Variants in LEF1 observed in about 807,000 individuals in gnomAD.
LEF1 encodes the protein lymphoid enhancer-binding factor 1.
A neutral mutation model predicts 51.2 loss-of-function variants in LEF1; 14 were observed. The observed-to-expected ratio is 0.27, with a 90% confidence interval of 0.18 to 0.43. The LOEUF (loss-of-function observed/expected upper bound fraction) is 0.43, where lower values mean the gene tolerates loss of function less well. Ranked by LOEUF, LEF1 falls within the 20% of genes least tolerant of loss-of-function variation. The pLI, the probability that LEF1 is intolerant of heterozygous loss-of-function variation, is 1.00. For synonymous variants in LEF1, 185 were observed against 183.2 expected, an observed-to-expected ratio of 1.01 and a Z score of -0.08; for missense variants, 386 against 512.0, an observed-to-expected ratio of 0.75 and a Z score of 2.37.
intron 3 of LEF1, among the ~76,000 whole-genome samples, chr4:108,155,989 A>G (rs1017502905): frequency 1.3e-5 from 2 of 152,126 alleles, no homozygotes; most frequent in African/African-American, 4.8e-5. Flanking sequence ...AGAACTTTTT[A>G]ATAGCTGAAA....
At chr4:108,114,199 T>C (rs2110320966) in intron 3 of LEF1, among the ~76,000 whole-genome samples, 1 of 152,266 alleles carries the variant, frequency 6.6e-6, no homozygotes, top group African/African-American at 2.4e-5. Flanking sequence ...AGGAAAAGTG[T>C]CCTTCAGAGA....
chr4:108,124,409 C>T (rs1418078734), intron 3 of LEF1, among the ~76,000 whole-genome samples: 1 of 151,686 alleles, frequency 6.6e-6, no homozygotes, highest in Non-Finnish European at 1.5e-5. Context: ...TTGCTCTGTC[C>T]CCCAGGCTGG....
rs188146399 is a variant in LEF1, at chr4:108,076,559, G to T, written c.1008+1661C>A. 8.5e-5 allele frequency among the ~76,000 whole-genome samples: 13 copies of T among 152,128 alleles called. No homozygotes were observed. The East Asian group carries it at 2.5e-3, about 30-fold the overall frequency. On this transcript the variant is annotated intron_variant, in intron 8 of 11. Coordinates refer to ENST00000265165, the MANE Select transcript of LEF1 (RefSeq NM_016269.5). ...CACTCAGCTAATTTTTGTATTTTTG[G>T]TAGAGATGGGGTGTCACCATGTCAG...
intron 11 of LEF1, among the ~76,000 whole-genome samples, chr4:108,049,704 C>CA (rs1553946248): frequency 6.6e-6 from 1 of 152,216 alleles, no homozygotes; most frequent in Non-Finnish European, 1.5e-5. Flanking sequence ...ATCCGTGTTA[C>CA]AAGCACAAGT....
At chr4:108,103,257 A>G (rs1267842071) in intron 3 of LEF1, among the ~76,000 whole-genome samples, 1 of 152,236 alleles carries the variant, frequency 6.6e-6, no homozygotes, top group African/African-American at 2.4e-5. Context: ...ATGTTTATGT[A>G]ATATCATGTG....
chr4:108,109,083 G>A (rs1037412325), intron 3 of LEF1, among the ~76,000 whole-genome samples: 6 of 152,180 alleles, frequency 3.9e-5, no homozygotes, highest in African/African-American at 1.4e-4. Context: ...CAGACAAAGG[G>A]TAATTTGTTA....
At chr4:108,097,126 C>G (rs1264427939) in intron 3 of LEF1, among the ~76,000 whole-genome samples, 2 of 152,178 alleles carry the variant, frequency 1.3e-5, no homozygotes, top group African/African-American at 4.8e-5. Context: ...TATTAAAGAG[C>G]TATCTGCATT....
At chr4:108,166,086 C>T (rs932265364) in intron 1 of LEF1, among the ~76,000 whole-genome samples, 1 of 152,148 alleles carries the variant, frequency 6.6e-6, no homozygotes, top group African/African-American at 2.4e-5. Flanking sequence ...GGATGTTATT[C>T]GGTTCTCTGG....
intron 3 of LEF1, among the ~76,000 whole-genome samples, chr4:108,092,832 G>A (rs566903593): frequency 4.0e-4 from 58 of 146,770 alleles, no homozygotes; most frequent in African/African-American, 1.4e-3. Flanking sequence ...ACACAGATAA[G>A]GTCTCTAATT....
chr4:108,079,385 T>C (rs1340314214), intron 7 of LEF1, 107 bp downstream of exon 7: 2 of 1,291,732 alleles, frequency 1.5e-6, no homozygotes, highest in African/African-American at 3.0e-5. Flanking sequence ...GTGCATTGAG[T>C]TTCACAGCAA....
chr4:108,166,607 C>T (rs1745411537), intron 1 of LEF1: 3 of 1,087,808 alleles, frequency 2.8e-6, no homozygotes, highest in Non-Finnish European at 3.4e-6. Context: ...CCCTGCTCCG[C>T]GCTTTCTCTA....
intron 11 of LEF1, among the ~76,000 whole-genome samples, chr4:108,059,291 G>A (rs1302222246): frequency 2.0e-5 from 3 of 152,204 alleles, no homozygotes; most frequent in Non-Finnish European, 2.9e-5. Flanking sequence ...AAAATGGGAA[G>A]CATTCCATGA....
intron 3 of LEF1, among the ~76,000 whole-genome samples, chr4:108,153,631 A>T (rs1229681650): frequency 1.3e-5 from 2 of 152,212 alleles, no homozygotes; most frequent in Admixed American, 1.3e-4. Context: ...CTCCTACCTA[A>T]AAAGGTGCAT....
At chr4:108,108,660 A>C (rs1193064799) in intron 3 of LEF1, among the ~76,000 whole-genome samples, 1 of 152,220 alleles carries the variant, frequency 6.6e-6, no homozygotes, top group Non-Finnish European at 1.5e-5. Context: ...AGACTTTTCC[A>C]TGTGGTAAAC....
At chr4:108,164,898 A>C (rs1317120025) in intron 2 of LEF1, among the ~76,000 whole-genome samples, 199 bp downstream of exon 2, 1 of 152,236 alleles carries the variant, frequency 6.6e-6, no homozygotes, top group Non-Finnish European at 1.5e-5. Context: ...TCCCTAACTC[A>C]TTCAAAAACA....
intron 3 of LEF1, among the ~76,000 whole-genome samples, chr4:108,099,031 G>A (rs938690564): frequency 2.6e-5 from 4 of 152,178 alleles, no homozygotes; most frequent in African/African-American, 9.7e-5. Context: ...AGTCCAAGTT[G>A]AGACATGCCA....
At chr4:108,115,844 C>CAT (rs1741802589) in intron 3 of LEF1, among the ~76,000 whole-genome samples, 1 of 134,180 alleles carries the variant, frequency 7.5e-6, no homozygotes, top group Non-Finnish European at 1.6e-5. Flanking sequence ...TAATGTAACA[C>CAT]ATACACACAC....
chr4:108,079,542 T>A lies in LEF1; in HGVS notation c.795A>T (p.Thr265=). ...GGGGATGTTCCTGTTTGACCTGAGGTGTTACAATAGCTGGATGAGGGATGC... is the reference window on the plus strand; with the variant it reads ...GGGGATGTTCCTGTTTGACCTGAGGAGTTACAATAGCTGGATGAGGGATGC... ...TTGIPHPAIV[T]PQVKQEHPHT... is the part of the protein sequence containing the mutation. The change falls in exon 7 of 12, where the codon ACA becomes ACT. Residue 265 remains threonine, a synonymous_variant. Coordinates refer to ENST00000265165, the MANE Select transcript of LEF1 (RefSeq NM_016269.5). 6.2e-7 allele frequency: 1 copy of A among 1,613,942 alleles called. No individual in the cohort carries two copies. Among genetic ancestry groups the A allele is most frequent in the Non-Finnish European group, 8.5e-7 (1 of 1,179,932 alleles).
chr4:108,162,723 G>A (rs1343657985), intron 3 of LEF1, among the ~76,000 whole-genome samples: 2 of 152,090 alleles, frequency 1.3e-5, no homozygotes, highest in Non-Finnish European at 2.9e-5. Context: ...TGGAGAGAAG[G>A]TAAATATATT....
Sources: gnomAD v4.1 joint callset for allele counts (sites outside exome capture counted in the v4.1 genomes callset) on GRCh38, gnomAD v4.1.1 for gene constraint, MANE v1.5 for transcripts, NCBI Gene and HGNC (gene_info 2026-07-23, HGNC 2026-07-21) for gene names.